CFAP44: variants seen among roughly 807,000 people sequenced by gnomAD.
CFAP44 encodes cilia- and flagella-associated protein 44.
CFAP44 carries 134 observed loss-of-function variants against 216.2 expected under a neutral mutation model. That is an observed-to-expected ratio of 0.62 (90% CI 0.54 to 0.72). CFAP44 has a LOEUF of 0.72. Ranked by LOEUF, CFAP44 falls within the 30% of genes least tolerant of loss-of-function variation. CFAP44 has a pLI of 0.00. For synonymous variants in CFAP44, 700 were observed against 727.6 expected (o/e 0.96, Z 0.61); for missense variants, 2,035 against 2,182.1 (o/e 0.93, Z 1.34).
At position 113,427,270 on chromosome 3, in the gene CFAP44, G is replaced by A. The variant is rs199722807; in HGVS notation, c.170C>T (p.Ser57Leu). The A allele has an allele frequency of 1.6e-5, 26 of 1,613,100 alleles. No individual in the cohort carries two copies. In the East Asian group the frequency reaches 5.6e-4, roughly 35 times the overall value. The stretch of plus-strand genomic sequence containing the variant: ...CTCATCTGAGTCTTCTTCTAAATAT[G>A]ATCCTTCCCCTTTGGTAAATGTTTC... Reference protein sequence around the residue: ...TDETFTKGEGSYLEEDSDEER... With the variant: ...TDETFTKGEGLYLEEDSDEER... Residue 57 changes from serine (S) to leucine (L), a missense_variant, in exon 3 of 35, where the codon TCA becomes TTA. This residue lies in a region of CFAP44 where 149 missense variants were observed against 141.8 expected (regional missense o/e 1.05). Transcript: ENST00000393845.
intron 16 of CFAP44, among the ~76,000 whole-genome samples, chr3:113,380,014 C>G (rs1559929943): frequency 6.6e-6 from 1 of 152,164 alleles, no homozygotes; most frequent in South Asian, 2.1e-4. Context: ...TCAGAATAAT[C>G]TTCCTAACTT....
intron 7 of CFAP44, among the ~76,000 whole-genome samples, chr3:113,408,468 C>T (rs1434454736): frequency 6.6e-6 from 1 of 152,190 alleles, no homozygotes; most frequent in East Asian, 1.9e-4. Flanking sequence ...GATGTGAAAG[C>T]TCAGTATGAA....
chr3:113,316,240 A>G lies in CFAP44; in HGVS notation c.4517-7972T>C, dbSNP rs544551714. ...TCTCAATAAAAATTTTAAAAACTAC[A>G]TTGACCAGAGTGAAAATTAAAAATC... On this transcript the variant is annotated intron_variant, in intron 28 of 34. Transcript: ENST00000393845. Among the ~76,000 whole-genome samples, 543 of 152,346 alleles carry G rather than the reference A, an allele frequency of 3.6e-3. 4 individuals carry two copies. The highest frequency in any genetic ancestry group is 7.5e-3 in the South Asian group (36 of 4,830).
At position 113,308,209 on chromosome 3, in the gene CFAP44, C is replaced by A; in HGVS notation, c.4576G>T (p.Asp1526Tyr). ...EEESSLESDE[D>Y]ESESEDEVFD... ...ACCTCATCTTCTGATTCAGACTCAT[C>A]TTCATCACTCTCCAAGCTAGATTCT... Residue 1526 changes from aspartate (D) to tyrosine (Y), a missense_variant, in exon 29 of 35, where the codon GAT becomes TAT. Physicochemically the swap from Asp to Tyr is radical, Grantham distance 160 (BLOSUM62 -3). Coordinates refer to ENST00000393845, the MANE Select transcript of CFAP44 (RefSeq NM_001164496.2). 1 of 1,536,542 alleles carries A rather than the reference C, an allele frequency of 6.5e-7. No individual in the cohort carries two copies. The highest frequency in any genetic ancestry group is 8.7e-7 in the Non-Finnish European group (1 of 1,146,744).
chr3:113,333,455 C>A lies in CFAP44; in HGVS notation c.3566G>T (p.Arg1189Ile). ...APDYKIPEHM[R>I]INAAKKEEEL... Reference sequence around the variant, plus strand: ...CTCTTCCTTCTTGGCAGCATTTATTCTCATGTGCTCAGGTATCTTGTAGTC... The same window carrying A: ...CTCTTCCTTCTTGGCAGCATTTATTATCATGTGCTCAGGTATCTTGTAGTC... The change falls in exon 25 of 35, where the codon AGA becomes ATA. Residue 1189 changes from arginine (R) to isoleucine (I), a missense_variant. Around this residue, in one of 3 missense-constraint regions of CFAP44, gnomAD observed 1,883 missense variants for 2,023.7 expected, o/e 0.93. Coordinates refer to ENST00000393845, the MANE Select transcript of CFAP44 (RefSeq NM_001164496.2). The A allele has an allele frequency of 6.5e-7, 1 of 1,537,054 alleles. No individual in the cohort carries two copies.
At chr3:113,302,909 C>A (rs1344808306) in intron 32 of CFAP44, among the ~76,000 whole-genome samples, 5 of 150,808 alleles carry the variant, frequency 3.3e-5, no homozygotes, top group East Asian at 1.9e-4. Context: ...AAATAGAAAT[C>A]AAAAATGGAC....
chr3:113,353,566 A>G (rs192510763), intron 22 of CFAP44, among the ~76,000 whole-genome samples: 1 of 152,224 alleles, frequency 6.6e-6, no homozygotes, highest in Non-Finnish European at 1.5e-5. Context: ...GTTCTTCCTG[A>G]GAGGAACTTC....
intron 5 of CFAP44, among the ~76,000 whole-genome samples, chr3:113,417,973 AATTAAAAAGTTTCTGCCTCAT>A (rs1934693278): frequency 6.6e-6 from 1 of 152,170 alleles, no homozygotes; most frequent in Non-Finnish European, 1.5e-5. Flanking sequence ...GTCTACAGTA[AATTAAAAAGTTTCTGCCTCAT>A]ATTGGAAACT....
chr3:113,409,006 CAAAAAAA>C (rs56301009), intron 7 of CFAP44, 93 bp downstream of exon 7: 123 of 319,454 alleles, frequency 3.9e-4, no homozygotes, highest in African/African-American at 1.6e-3. Flanking sequence ...ACCAAAACAG[CAAAAAAA>C]AAAAAAAAAA....
intron 4 of CFAP44, among the ~76,000 whole-genome samples, chr3:113,422,827 T>C (rs891830606): frequency 6.6e-6 from 1 of 152,208 alleles, no homozygotes; most frequent in Non-Finnish European, 1.5e-5. Context: ...GGAGAAATTA[T>C]CATTTATCTA....
chr3:113,337,558 A>G (rs1448297839), intron 24 of CFAP44, among the ~76,000 whole-genome samples: 5 of 152,214 alleles, frequency 3.3e-5, no homozygotes, highest in Non-Finnish European at 4.4e-5. Context: ...TCTATTATAT[A>G]AATATATGAA....
At chr3:113,294,989 G>A (rs1949867052) in intron 33 of CFAP44, among the ~76,000 whole-genome samples, 168 bp from the exon 34 acceptor site, 1 of 81,526 alleles carries the variant, frequency 1.2e-5, no homozygotes, top group African/African-American at 3.3e-5. Context: ...ATTGGGTCTG[G>A]TTTGATTAAA....
At chr3:113,316,831 T>C (rs1190341506) in intron 28 of CFAP44, among the ~76,000 whole-genome samples, 4 of 148,710 alleles carry the variant, frequency 2.7e-5, no homozygotes, top group Non-Finnish European at 5.9e-5. Context: ...ATCACGCCAC[T>C]GCACTCCAGC....
At chr3:113,400,114 A>G in intron 12 of CFAP44, 114 bp from the exon 13 acceptor site, 1 of 629,586 alleles carries the variant, frequency 1.6e-6, no homozygotes, top group Non-Finnish European at 2.5e-6. Flanking sequence ...TAAATCAGTC[A>G]ATAACTTTCT....
chr3:113,386,185 A>G (rs1933645369), intron 15 of CFAP44, among the ~76,000 whole-genome samples: 1 of 152,094 alleles, frequency 6.6e-6, no homozygotes, highest in Admixed American at 6.6e-5. Context: ...TTTTTTATGT[A>G]AAGTCTATGT....
chr3:113,360,543 AG>A (rs1472561495), intron 21 of CFAP44: 6 of 211,658 alleles, frequency 2.8e-5, no homozygotes, highest in Non-Finnish European at 5.4e-5. Context: ...ATACACTGTT[AG>A]TGCTGTCCAG....
At chr3:113,435,735 T>TA (rs11434499) in intron 1 of CFAP44, among the ~76,000 whole-genome samples, 125,167 of 141,168 alleles carry the variant, frequency 0.89, 55,718 homozygotes, top group Admixed American at 0.93. Flanking sequence ...CTTCTAAAAT[T>TA]AAAAAAAAAA....
chr3:113,314,847 C>T lies in CFAP44; in HGVS notation c.4517-6579G>A, dbSNP rs142984350. ...ATGGCAAAATGATGACATTGCTAGA[C>T]TGGGATAAATGATGACATTGGTAGA... On this transcript the variant is annotated intron_variant, in intron 28 of 34. Transcript: ENST00000393845. 3.4e-3 allele frequency among the ~76,000 whole-genome samples: 523 copies of T among 152,074 alleles called. 5 individuals carry two copies. Among genetic ancestry groups the T allele is most frequent in the Middle Eastern group, 3.4e-3 (1 of 294 alleles).
chr3:113,368,909 A>T (rs1933052024), intron 18 of CFAP44, among the ~76,000 whole-genome samples: 1 of 152,230 alleles, frequency 6.6e-6, no homozygotes, highest in Non-Finnish European at 1.5e-5. Context: ...TACCAAGCAA[A>T]TGGAAAGCAA....
Sources: allele counts gnomAD v4.1 joint callset (sites outside exome capture counted in the v4.1 genomes callset), GRCh38; gene constraint gnomAD v4.1.1; regional missense constraint gnomAD v4.1.1; transcripts MANE v1.5; gene names NCBI Gene and HGNC (gene_info 2026-07-23, HGNC 2026-07-21).